The following GPC5 variants were observed in gnomAD, a reference collection of about 807,000 sequenced individuals.
GPC5 encodes glypican 5.
GPC5 carries 47 observed loss-of-function variants against 53.9 expected under a neutral mutation model. The observed-to-expected ratio is 0.87, with a 90% confidence interval of 0.69 to 1.11. The LOEUF (loss-of-function observed/expected upper bound fraction) is 1.11, where lower values mean the gene tolerates loss of function less well. Among genes scored for constraint, GPC5 ranks in the 50% most tolerant of loss-of-function variants. The pLI is 0.00. For synonymous variants in GPC5, 286 were observed against 263.3 expected, an observed-to-expected ratio of 1.09 and a Z score of -0.84; for missense variants, 748 against 713.1, an observed-to-expected ratio of 1.05 and a Z score of -0.56.
At chr13:92,119,567 ATTTTTTTTTTT>A (rs59391576) in intron 6 of GPC5, among the ~76,000 whole-genome samples, 8 of 70,626 alleles carry the variant, frequency 1.1e-4, no homozygotes, top group East Asian at 5.2e-4. Flanking sequence ...CGCCTGGCTA[ATTTTTTTTTTT>A]TTTTTTTTTT....
At chr13:92,764,781 G>C (rs780301149) in intron 7 of GPC5, among the ~76,000 whole-genome samples, 2 of 151,996 alleles carry the variant, frequency 1.3e-5, no homozygotes, top group Admixed American at 6.6e-5. Context: ...CTTTGGGGAG[G>C]GGATAGGTGC....
intron 2 of GPC5, among the ~76,000 whole-genome samples, chr13:91,689,199 A>T (rs1054593053): frequency 9.6e-6 from 1 of 104,600 alleles, no homozygotes; most frequent in South Asian, 3.1e-4. Flanking sequence ...ATATATATAT[A>T]TATATATATA....
In GPC5 at chr13:91,757,087, T is replaced by C. The variant is rs112590789; in HGVS notation, c.1280+667T>C. Reference sequence around the variant, plus strand: ...TCTTTGACAGTTTCTTTTCCTTTATTTCCTATAACTGATTGTACTTTCAAG... The same window carrying C: ...TCTTTGACAGTTTCTTTTCCTTTATCTCCTATAACTGATTGTACTTTCAAG... On this transcript the variant is annotated intron_variant, in intron 5 of 7. Coordinates refer to ENST00000377067, the MANE Select transcript of GPC5 (RefSeq NM_004466.6). Among the ~76,000 whole-genome samples the C allele has an allele frequency of 6.4e-3, 979 of 152,144 alleles. 10 individuals are homozygous for C. The highest frequency in any genetic ancestry group is 0.023 in the African/African-American group (943 of 41,532).
At chr13:92,137,288 A>G (rs1392741157) in intron 6 of GPC5, among the ~76,000 whole-genome samples, 1 of 152,212 alleles carries the variant, frequency 6.6e-6, no homozygotes, top group Non-Finnish European at 1.5e-5. Flanking sequence ...CTCTGTTCTA[A>G]TTGTTCTATA....
chr13:91,647,070 C>T (rs74104915), intron 2 of GPC5, among the ~76,000 whole-genome samples: 5 of 144,030 alleles, frequency 3.5e-5, no homozygotes, highest in Non-Finnish European at 6.0e-5. Context: ...TATATATATG[C>T]GTGTGTGTGT....
At chr13:91,570,226 A>G (rs2031721086) in intron 2 of GPC5, among the ~76,000 whole-genome samples, 2 of 152,194 alleles carry the variant, frequency 1.3e-5, no homozygotes, top group Non-Finnish European at 2.9e-5. Flanking sequence ...GAGATTATGC[A>G]TTTAAAAATT....
chr13:92,516,456 A>C (rs1025132364), intron 7 of GPC5, among the ~76,000 whole-genome samples: 1 of 152,284 alleles, frequency 6.6e-6, no homozygotes, highest in African/African-American at 2.4e-5. Flanking sequence ...CTAGAGTCAA[A>C]ATGGCTAAAA....
At chr13:92,203,207 A>G (rs549092333) in intron 7 of GPC5, among the ~76,000 whole-genome samples, 2 of 151,878 alleles carry the variant, frequency 1.3e-5, no homozygotes, top group Non-Finnish European at 2.9e-5. Context: ...TTGCGGCACT[A>G]TTCACAATAG....
chr13:91,728,434 G>A, intron 3 of GPC5, 98 bp from the exon 4 acceptor site: 2 of 1,151,832 alleles, frequency 1.7e-6, no homozygotes, highest in Non-Finnish European at 2.4e-6. Context: ...TGAGGTGAAA[G>A]CAAAAACGTG....
chr13:92,369,552 A>G (rs2043633823), intron 7 of GPC5, among the ~76,000 whole-genome samples: 1 of 152,256 alleles, frequency 6.6e-6, no homozygotes, highest in African/African-American at 2.4e-5. Flanking sequence ...TATGCACTCA[A>G]TAAGCAAAGC....
chr13:92,398,017 G>T (rs201819211), intron 7 of GPC5, among the ~76,000 whole-genome samples: 1 of 152,132 alleles, frequency 6.6e-6, no homozygotes, highest in African/African-American at 2.4e-5. Context: ...AGTGCAGGGG[G>T]ATAGGAAATC....
At chr13:91,571,810 C>CAT (rs140046283) in intron 2 of GPC5, among the ~76,000 whole-genome samples, 3,547 of 86,232 alleles carry the variant, frequency 0.041, 554 homozygotes, top group East Asian at 0.17. Context: ...TATACACACA[C>CAT]ATACGTGTGT....
chr13:91,626,392 T>C (rs2034002380), intron 2 of GPC5, among the ~76,000 whole-genome samples: 2 of 152,178 alleles, frequency 1.3e-5, no homozygotes, highest in South Asian at 4.1e-4. Flanking sequence ...ATGGAATTTC[T>C]CTGAATCTCA....
chr13:92,294,922 C>T (rs563515046), intron 7 of GPC5, among the ~76,000 whole-genome samples: 14 of 149,666 alleles, frequency 9.4e-5, no homozygotes, highest in East Asian at 4.0e-4. Context: ...CTCTGCCTCC[C>T]GGTTCAAGCG....
At chr13:92,719,078 A>G (rs1362264031) in intron 7 of GPC5, among the ~76,000 whole-genome samples, 1 of 151,934 alleles carries the variant, frequency 6.6e-6, no homozygotes, top group African/African-American at 2.4e-5. Flanking sequence ...CATAAAAATT[A>G]AATATTAAAA....
chr13:92,185,761 C>G (rs1274267454), intron 7 of GPC5, among the ~76,000 whole-genome samples: 1 of 151,902 alleles, frequency 6.6e-6, no homozygotes, highest in Non-Finnish European at 1.5e-5. Context: ...AGCTTATGAC[C>G]CTGTGTTGCA....
rs188610282 is a variant in GPC5, at chr13:92,660,032, C to G, written c.1562-206250C>G. 6.4e-4 allele frequency among the ~76,000 whole-genome samples: 97 copies of G among 152,210 alleles called. 1 individual carries two copies. The highest frequency in any genetic ancestry group is 1.5e-3 in the Admixed American group (23 of 15,290). ...CTGTCTGCTCTTCCAGTCACAGCCC[C>G]CTTTGTTCCATTGAAGGAATACTAA... On this transcript the variant is annotated intron_variant, in intron 7 of 7. Coordinates refer to ENST00000377067, the MANE Select transcript of GPC5 (RefSeq NM_004466.6).
intron 6 of GPC5, among the ~76,000 whole-genome samples, chr13:92,023,595 A>T (rs747895294): frequency 2.0e-5 from 3 of 151,336 alleles, no homozygotes; most frequent in Non-Finnish European, 2.9e-5. Flanking sequence ...GAGATTCCAT[A>T]CTTGGTGTGT....
intron 6 of GPC5, among the ~76,000 whole-genome samples, chr13:91,985,527 C>A (rs1463905759): frequency 6.6e-6 from 1 of 151,726 alleles, no homozygotes; most frequent in East Asian, 1.9e-4. Context: ...TTTATCGTTT[C>A]TTGGCTTTTA....
Sources: gnomAD v4.1 joint callset for allele counts (sites outside exome capture counted in the v4.1 genomes callset) on GRCh38, gnomAD v4.1.1 for gene constraint, MANE v1.5 for transcripts, NCBI Gene and HGNC (gene_info 2026-07-23, HGNC 2026-07-21) for gene names.